The following CFAP299 variants were observed in gnomAD, a reference collection of about 807,000 sequenced individuals.
The protein encoded by CFAP299 is cilia- and flagella-associated protein 299.
CFAP299 carries 21 observed loss-of-function variants against 27.0 expected under a neutral mutation model. The ratio of observed to expected loss-of-function variants is 0.78; its 90% confidence interval spans 0.55 to 1.12. The LOEUF is 1.12. CFAP299 is among the 50% of genes most tolerant of loss of function. The pLI, the probability that CFAP299 is intolerant of heterozygous loss-of-function variation, is 0.00. For synonymous variants in CFAP299, 104 were observed against 98.1 expected (o/e 1.06, Z -0.36); for missense variants, 310 against 276.6 (o/e 1.12, Z -0.86).
chr4:80,904,732 G>A lies in CFAP299; in HGVS notation c.476+34597G>A, dbSNP rs147994723. 3.1e-3 allele frequency among the ~76,000 whole-genome samples: 469 copies of A among 152,200 alleles called. 2 individuals are homozygous for A. The highest frequency in any genetic ancestry group is 0.011 in the African/African-American group (450 of 41,544). Reference sequence around the variant, plus strand: ...GGTTCAGCCTAGCTTTGAAGGGAATGCAATGGGATTTGGAACAAAAGCCTA... The same window carrying A: ...GGTTCAGCCTAGCTTTGAAGGGAATACAATGGGATTTGGAACAAAAGCCTA... On this transcript the variant is annotated intron_variant, in intron 4 of 5. Coordinates refer to ENST00000358105, the MANE Select transcript of CFAP299 (RefSeq NM_152770.3).
At chr4:80,439,350 G>A (rs1294781750) in intron 2 of CFAP299, among the ~76,000 whole-genome samples, 2 of 152,166 alleles carry the variant, frequency 1.3e-5, no homozygotes, top group Admixed American at 6.5e-5. Context: ...GAGGTACCAA[G>A]CTCATCTCAT....
rs371907109 is a variant in CFAP299, at chr4:80,364,089, A to AACACACACACCCACACACACACACACAC, written c.242+1215_242+1216insCCACACACACACACACACACACACACAC. ...GCAACAGAGCGAGACTCCGTCTCAA[A>AACACACACACCCACACACACACACACAC]ACACACACACACACACACACACACA... On this transcript the variant is annotated intron_variant, in intron 2 of 5. Transcript: ENST00000358105. Among the ~76,000 whole-genome samples, 62 of 110,880 alleles carry AACACACACACCCACACACACACACACAC rather than the reference A, an allele frequency of 5.6e-4. 2 individuals carry two copies. Among genetic ancestry groups the AACACACACACCCACACACACACACACAC allele is most frequent in the African/African-American group, 2.1e-3 (56 of 26,050 alleles). 72.7% of individuals were successfully genotyped at this position (110,880 alleles called of 152,430 possible).
chr4:80,615,604 C>T (rs1005348630), intron 3 of CFAP299, among the ~76,000 whole-genome samples: 1 of 151,854 alleles, frequency 6.6e-6, no homozygotes, highest in African/African-American at 2.4e-5. Flanking sequence ...ATGATCATAG[C>T]TCACTGCAGC....
chr4:80,447,556 T>C (rs1322028842), intron 2 of CFAP299, among the ~76,000 whole-genome samples: 1 of 152,002 alleles, frequency 6.6e-6, no homozygotes, highest in East Asian at 1.9e-4. Context: ...CCTCAGCTTG[T>C]AGCGGTTCCC....
At chr4:80,704,925 A>G (rs1282535302) in intron 3 of CFAP299, among the ~76,000 whole-genome samples, 1 of 151,806 alleles carries the variant, frequency 6.6e-6, no homozygotes, top group Non-Finnish European at 1.5e-5. Flanking sequence ...AGATATGATA[A>G]TAGAAATTGG....
intron 3 of CFAP299, among the ~76,000 whole-genome samples, chr4:80,800,371 T>C (rs1728391941): frequency 1.5e-5 from 1 of 68,016 alleles, no homozygotes; most frequent in Non-Finnish European, 2.4e-5. Flanking sequence ...ATTAATATAA[T>C]ATATATAATA....
At chr4:80,475,140 G>T (rs1051085514) in intron 2 of CFAP299, among the ~76,000 whole-genome samples, 19 of 152,264 alleles carry the variant, frequency 1.2e-4, no homozygotes, top group African/African-American at 4.1e-4. Flanking sequence ...GGAGAGAGGA[G>T]TGGAGGCCAG....
At chr4:80,618,935 G>C (rs10025495) in intron 3 of CFAP299, among the ~76,000 whole-genome samples, 1 of 151,848 alleles carries the variant, frequency 6.6e-6, no homozygotes, top group Non-Finnish European at 1.5e-5. Context: ...TATGAAAACC[G>C]TGCTAAAATT....
intron 3 of CFAP299, among the ~76,000 whole-genome samples, chr4:80,801,130 C>G (rs1358822939): frequency 6.6e-6 from 1 of 151,566 alleles, no homozygotes; most frequent in Non-Finnish European, 1.5e-5. Flanking sequence ...AGAATCAATA[C>G]TTTGCATCTT....
At chr4:80,400,451 TG>T (rs1349516929) in intron 2 of CFAP299, among the ~76,000 whole-genome samples, 1 of 152,110 alleles carries the variant, frequency 6.6e-6, no homozygotes, top group Non-Finnish European at 1.5e-5. Context: ...AATTGAATCA[TG>T]GGGGTTTGTT....
intron 3 of CFAP299, among the ~76,000 whole-genome samples, chr4:80,689,166 C>A (rs865894335): frequency 4.8e-4 from 73 of 152,218 alleles, no homozygotes; most frequent in Middle Eastern, 3.4e-3. Flanking sequence ...GGCAGGCCAA[C>A]ATTCAGATTC....
At chr4:80,561,320 C>G (rs759143480) in intron 2 of CFAP299, among the ~76,000 whole-genome samples, 1 of 152,126 alleles carries the variant, frequency 6.6e-6, no homozygotes, top group Non-Finnish European at 1.5e-5. Context: ...TTTTAGATAT[C>G]TGAAAAGACT....
chr4:80,908,431 A>G (rs1002027370), intron 4 of CFAP299, among the ~76,000 whole-genome samples: 8 of 152,164 alleles, frequency 5.3e-5, no homozygotes, highest in African/African-American at 1.9e-4. Flanking sequence ...TAACAGTTTG[A>G]GAATATTGAT....
At chr4:80,774,621 AT>A (rs1726418761) in intron 3 of CFAP299, among the ~76,000 whole-genome samples, 2 of 152,024 alleles carry the variant, frequency 1.3e-5, no homozygotes, top group Non-Finnish European at 2.9e-5. Flanking sequence ...TAACCACAAA[AT>A]AATATAAATA....
intron 2 of CFAP299, among the ~76,000 whole-genome samples, chr4:80,462,499 T>G (rs951322932): frequency 6.6e-5 from 10 of 152,156 alleles, no homozygotes; most frequent in African/African-American, 2.4e-4. Context: ...AAATACAATT[T>G]TGTTGTCACT....
intron 4 of CFAP299, among the ~76,000 whole-genome samples, chr4:80,925,556 G>C (rs1736266138): frequency 6.6e-6 from 1 of 151,912 alleles, no homozygotes; most frequent in Admixed American, 6.6e-5. Context: ...TCTTAAAAGT[G>C]ACAACCCATA....
intron 4 of CFAP299, among the ~76,000 whole-genome samples, chr4:80,928,663 G>GT (rs1020928661): frequency 5.9e-5 from 9 of 151,724 alleles, no homozygotes; most frequent in African/African-American, 2.2e-4. Flanking sequence ...AATAATGTTT[G>GT]TTTTTTTTAA....
intron 3 of CFAP299, among the ~76,000 whole-genome samples, chr4:80,857,231 T>C (rs1026247331): frequency 3.3e-5 from 5 of 152,236 alleles, no homozygotes; most frequent in African/African-American, 4.8e-5. Flanking sequence ...ATAAGAATGC[T>C]TGTGATTTTT....
intron 3 of CFAP299, among the ~76,000 whole-genome samples, chr4:80,769,665 AT>A (rs766173577): frequency 3.9e-5 from 6 of 152,154 alleles, no homozygotes; most frequent in Non-Finnish European, 8.8e-5. Flanking sequence ...AAGTGCTGGG[AT>A]TATAGGCATG....
Sources: gnomAD v4.1 joint callset for allele counts (sites outside exome capture counted in the v4.1 genomes callset) on GRCh38, gnomAD v4.1.1 for gene constraint, MANE v1.5 for transcripts, NCBI Gene and HGNC (gene_info 2026-07-23, HGNC 2026-07-21) for gene names.